Variants in BCKDHB observed in about 807,000 individuals in gnomAD.
BCKDHB encodes branched chain keto acid dehydrogenase E1 subunit beta.
Under a neutral mutation model 48.5 loss-of-function variants are expected in BCKDHB, and 41 were observed. That is an observed-to-expected ratio of 0.85 (90% CI 0.66 to 1.10). The LOEUF is 1.10. Among genes scored for constraint, BCKDHB ranks in the 50% least tolerant of loss-of-function variants. The probability of loss-of-function intolerance (pLI) is 0.00; values close to 1 mark genes in which losing one functional copy is unlikely to be tolerated. For missense variants in BCKDHB, 496 were observed against 494.2 expected (o/e 1.00, Z -0.03); for synonymous variants, 201 against 174.8 (o/e 1.15, Z -1.18).
At chr6:80,252,134 G>A (rs2127936774) in intron 8 of BCKDHB, among the ~76,000 whole-genome samples, 2 of 152,258 alleles carry the variant, frequency 1.3e-5, no homozygotes, top group Middle Eastern at 3.4e-3. Flanking sequence ...TCTCAGACAG[G>A]TTAAGTAAGT....
At chr6:80,307,491 C>A in intron 9 of BCKDHB, 1 of 984,758 alleles carries the variant, frequency 1.0e-6, no homozygotes, top group African/African-American at 1.7e-5. Flanking sequence ...TTCAGATATA[C>A]CCCCATGAAA....
At chr6:80,385,984 T>G in the BCKDHB span, among the ~76,000 whole-genome samples, 1 of 152,180 alleles carries the variant, frequency 6.6e-6, no homozygotes, top group Non-Finnish European at 1.5e-5. Flanking sequence ...TTAGCTGAAA[T>G]GCGGATTAAA....
At chr6:80,228,803 C>T (rs942790964) in intron 8 of BCKDHB, among the ~76,000 whole-genome samples, 1 of 152,274 alleles carries the variant, frequency 6.6e-6, no homozygotes, top group African/African-American at 2.4e-5. Flanking sequence ...TGTCACCAGC[C>T]TGGGCTCTCA....
chr6:80,457,086 C>T, the BCKDHB span, among the ~76,000 whole-genome samples: 24 of 152,158 alleles, frequency 1.6e-4, no homozygotes, highest in East Asian at 1.9e-3. Flanking sequence ...CTCCTTTTTC[C>T]GATAAGTAGC....
chr6:80,180,694 G>T (rs1036721135), intron 6 of BCKDHB, among the ~76,000 whole-genome samples: 1 of 152,100 alleles, frequency 6.6e-6, no homozygotes, highest in East Asian at 1.9e-4. Context: ...AATTGTGTAT[G>T]AATTCATATA....
At chr6:80,281,229 A>G (rs1778181757) in intron 9 of BCKDHB, among the ~76,000 whole-genome samples, 1 of 152,124 alleles carries the variant, frequency 6.6e-6, no homozygotes, top group African/African-American at 2.4e-5. Context: ...AATCTTAAGA[A>G]GGGAAAGTTT....
At chr6:80,431,296 G>A in the BCKDHB span, among the ~76,000 whole-genome samples, 1 of 152,198 alleles carries the variant, frequency 6.6e-6, no homozygotes, top group African/African-American at 2.4e-5. Context: ...TGTATATTCT[G>A]TTGATTTGGG....
chr6:80,323,795 C>T (rs771051032), intron 9 of BCKDHB, among the ~76,000 whole-genome samples: 52 of 152,276 alleles, frequency 3.4e-4, no homozygotes, highest in Admixed American at 2.6e-4. Flanking sequence ...TTATTTGAGA[C>T]GGAATCTCGC....
At chr6:80,138,538 G>A (rs542513340) in intron 3 of BCKDHB, among the ~76,000 whole-genome samples, 6 of 152,134 alleles carry the variant, frequency 3.9e-5, no homozygotes, top group Admixed American at 3.9e-4. Flanking sequence ...GTGAGAATAT[G>A]TGGTGTTTGG....
chr6:80,395,618 AG>A, the BCKDHB span, among the ~76,000 whole-genome samples: 1 of 152,258 alleles, frequency 6.6e-6, no homozygotes, highest in Non-Finnish European at 1.5e-5. Context: ...TTGATAGGAA[AG>A]AAAACCCCAT....
At chr6:80,310,452 A>G (rs1768098440) in intron 9 of BCKDHB, among the ~76,000 whole-genome samples, 1 of 152,210 alleles carries the variant, frequency 6.6e-6, no homozygotes, top group African/African-American at 2.4e-5. Flanking sequence ...TTATGACTGC[A>G]TAGTATTCCA....
At chr6:80,168,530 A>AAAGG (rs1452882932) in intron 4 of BCKDHB, among the ~76,000 whole-genome samples, 2 of 128,386 alleles carry the variant, frequency 1.6e-5, no homozygotes, top group Non-Finnish European at 3.2e-5. Context: ...GTGCTATGGG[A>AAAGG]AAGGAAGGAA....
chr6:80,244,889 T>A (rs956045399), intron 8 of BCKDHB, among the ~76,000 whole-genome samples: 1 of 152,210 alleles, frequency 6.6e-6, no homozygotes, highest in South Asian at 2.1e-4. Flanking sequence ...CCAAAGGCAG[T>A]ATCTGGAAGA....
At chr6:80,463,590 T>G in the BCKDHB span, among the ~76,000 whole-genome samples, 2 of 149,824 alleles carry the variant, frequency 1.3e-5, no homozygotes, top group South Asian at 4.2e-4. Context: ...TTCAATATAC[T>G]TTTTTTTTTC....
the BCKDHB span, among the ~76,000 whole-genome samples, chr6:80,432,615 G>T: frequency 2.6e-5 from 4 of 151,960 alleles, no homozygotes; most frequent in Non-Finnish European, 5.9e-5. Context: ...CTTTGCATTG[G>T]GTTAGACATG....
At chr6:80,360,569 GCTACT>G in the BCKDHB span, among the ~76,000 whole-genome samples, 2 of 152,186 alleles carry the variant, frequency 1.3e-5, no homozygotes, top group African/African-American at 4.8e-5. Context: ...TTCACAGATT[GCTACT>G]TAGTGATGCC....
At chr6:80,362,344 C>T in the BCKDHB span, among the ~76,000 whole-genome samples, 1 of 152,142 alleles carries the variant, frequency 6.6e-6, no homozygotes, top group African/African-American at 2.4e-5. Flanking sequence ...ACAGAGTGTA[C>T]ACCAATGCTT....
chr6:80,166,464 T>C (rs1260989547), intron 3 of BCKDHB, among the ~76,000 whole-genome samples: 2 of 152,154 alleles, frequency 1.3e-5, no homozygotes, highest in East Asian at 3.9e-4. Flanking sequence ...GAGACCAGCC[T>C]GGCCAACATG....
chr6:80,212,797 G>C (rs1774999006), intron 8 of BCKDHB, among the ~76,000 whole-genome samples: 1 of 152,182 alleles, frequency 6.6e-6, no homozygotes, highest in Non-Finnish European at 1.5e-5. Context: ...ACATCATTCT[G>C]TTAGGCACTA....
Sources: allele counts gnomAD v4.1 joint callset (sites outside exome capture counted in the v4.1 genomes callset), GRCh38; gene constraint gnomAD v4.1.1; transcripts MANE v1.5; gene names NCBI Gene and HGNC (gene_info 2026-07-23, HGNC 2026-07-21).